The following PCDH15 variants were observed in gnomAD, a reference collection of about 807,000 sequenced individuals.
PCDH15 encodes protocadherin related 15, also known as protocadherin-15.
In PCDH15, 129 loss-of-function variants were observed where a neutral mutation model predicts 178.5. The ratio of observed to expected loss-of-function variants is 0.72; its 90% CI spans 0.63 to 0.84. The LOEUF (loss-of-function observed/expected upper bound fraction) is 0.84. Ranked by LOEUF, PCDH15 falls within the 40% of genes least tolerant of loss-of-function variation. PCDH15 has a pLI of 0.00. For missense variants in PCDH15, 2,230 were observed against 2,099.9 expected, an observed-to-expected ratio of 1.06 and a Z score of -1.21; for synonymous variants, 800 against 732.0, an observed-to-expected ratio of 1.09 and a Z score of -1.50.
intron 2 of PCDH15, among the ~76,000 whole-genome samples, chr10:55,562,053 A>G (rs1470314294): frequency 1.3e-5 from 2 of 151,754 alleles, no homozygotes; most frequent in Admixed American, 1.3e-4. Context: ...ACATCCTTTG[A>G]TTTTCTGTCA....
chr10:53,822,160 C>A lies in PCDH15; in HGVS notation c.4368-1930G>T, dbSNP rs371269732. The A allele has an allele frequency of 6.2e-7, 1 of 1,613,848 alleles. No individual in the cohort carries two copies. Among genetic ancestry groups the A allele is most frequent in the African/African-American group, 1.3e-5 (1 of 74,872 alleles). On this transcript the variant is annotated intron_variant, in intron 32 of 37. Transcript: ENST00000644397. ...TGTGTCATAGAGGACTTAATTTTCT[C>A]GGCAGGCATCAAGTTGGTCGTGCAT... is the stretch of plus-strand genomic sequence containing the variant.
intron 9 of PCDH15, among the ~76,000 whole-genome samples, chr10:54,216,105 A>AATAT (rs540131612): frequency 1.3e-5 from 2 of 148,380 alleles, no homozygotes; most frequent in African/African-American, 2.5e-5. Context: ...TCATATCCCG[A>AATAT]ATATATATAT....
rs116436784 is a variant in PCDH15 at position 54,315,725 on chromosome 10, G to C, written c.876+1546C>G. Among the ~76,000 whole-genome samples the C allele has an allele frequency of 3.4e-5, 5 of 145,972 alleles. No homozygotes were observed. In the South Asian group the frequency reaches 1.1e-3, roughly 31 times the overall value. On this transcript the variant is annotated intron_variant, in intron 8 of 37. Transcript: ENST00000644397. ...TTTGGTTATGGTATAAGGAGGGGGG[G>C]GTCCAGCTTCAATCTTCATATGGCT... is the stretch of plus-strand genomic sequence containing the variant.
At chr10:55,361,697 T>A (rs1845233619) in intron 2 of PCDH15, among the ~76,000 whole-genome samples, 1 of 152,092 alleles carries the variant, frequency 6.6e-6, no homozygotes, top group African/African-American at 2.4e-5. Flanking sequence ...TTCATAAATA[T>A]GACATAATTT....
chr10:55,513,522 A>G (rs1214567477), intron 2 of PCDH15, among the ~76,000 whole-genome samples: 1 of 152,160 alleles, frequency 6.6e-6, no homozygotes, highest in Non-Finnish European at 1.5e-5. Context: ...TAAACACACA[A>G]TTACATCACA....
At chr10:54,919,908 C>G (rs1837441896) in intron 2 of PCDH15, among the ~76,000 whole-genome samples, 1 of 151,960 alleles carries the variant, frequency 6.6e-6, no homozygotes, top group Non-Finnish European at 1.5e-5. Flanking sequence ...AAAAAAGGCT[C>G]TGTAACATTT....
At chr10:54,454,862 A>G (rs550589772) in intron 3 of PCDH15, among the ~76,000 whole-genome samples, 161 of 152,224 alleles carry the variant, frequency 1.1e-3, no homozygotes, top group African/African-American at 3.7e-3. Context: ...TTGTTTTATA[A>G]CTTTGATAAG....
At position 54,079,389 on chromosome 10, in the gene PCDH15, C is replaced by CTGTCCA; in HGVS notation, c.2027_2032dup (p.Asp677_Arg678insMetAsp). The CTGTCCA allele has an allele frequency of 1.9e-6, 3 of 1,614,112 alleles. No homozygotes were observed. Among genetic ancestry groups the CTGTCCA allele is most frequent in the Non-Finnish European group, 1.7e-6 (2 of 1,179,970 alleles). ...CAGAATGTAGCGATCAGTGCTTTCC[C>CTGTCCA]TGTCCAGTGCTTTCCCTAAGGTTAG... On this transcript the variant is annotated inframe_insertion, in exon 17 of 38. Coordinates refer to ENST00000644397, the MANE Select transcript of PCDH15 (RefSeq NM_001384140.1).
chr10:54,486,459 G>A (rs955530185), intron 3 of PCDH15: 3 of 151,930 alleles, frequency 2.0e-5, no homozygotes, highest in Non-Finnish European at 2.9e-5. Context: ...TACTTATGAT[G>A]TATAATTAAG....
chr10:54,114,368 A>C (rs890295581), intron 15 of PCDH15, among the ~76,000 whole-genome samples: 50 of 152,172 alleles, frequency 3.3e-4, no homozygotes, highest in Admixed American at 3.3e-3. Flanking sequence ...ACACAGAGCT[A>C]ACCAATAAGA....
At position 55,353,431 on chromosome 10, in the gene PCDH15, C is replaced by A. The variant is rs375825342; in HGVS notation, c.-155-186780G>T. On this transcript the variant is annotated intron_variant, in intron 2 of 5. Transcript: ENST00000613346. ...AACTGGAGAATGTTAGTGGAAAGAG[C>A]AAGTGTTGGTTATTAAATAAAAAAT... is the stretch of plus-strand genomic sequence containing the variant. 3.3e-5 allele frequency among the ~76,000 whole-genome samples: 5 copies of A among 152,098 alleles called. No individual in the cohort carries two copies. The South Asian group carries it at 1.0e-3, about 32-fold the overall frequency.
chr10:55,175,126 G>A lies in PCDH15; in HGVS notation c.-155-8475C>T, dbSNP rs1839443392. 2.0e-5 allele frequency among the ~76,000 whole-genome samples: 3 copies of A among 152,100 alleles called. No homozygotes were observed. In the South Asian group the frequency reaches 6.2e-4, roughly 32 times the overall value. On this transcript the variant is annotated intron_variant, in intron 1 of 5. Transcript: ENST00000458638. Reference sequence around the variant, plus strand: ...GCAGTACCATTGGAGGACCCTAAATGGGACCCCAAAGAAGACACAGGAGAA... The same window carrying A: ...GCAGTACCATTGGAGGACCCTAAATAGGACCCCAAAGAAGACACAGGAGAA...
intron 8 of PCDH15, among the ~76,000 whole-genome samples, chr10:54,273,807 G>C (rs971267276): frequency 3.9e-5 from 6 of 152,020 alleles, no homozygotes; most frequent in African/African-American, 1.4e-4. Flanking sequence ...CCACACTCCT[G>C]AACCAGAGCT....
At chr10:54,342,952 C>T (rs114180951) in intron 6 of PCDH15, among the ~76,000 whole-genome samples, 2,607 of 152,188 alleles carry the variant, frequency 0.017, 79 homozygotes, top group African/African-American at 0.059. Context: ...ATGTCTGTAC[C>T]CTCATTGTAT....
chr10:55,251,457 T>C (rs1284222756), intron 1 of PCDH15, among the ~76,000 whole-genome samples: 1 of 152,188 alleles, frequency 6.6e-6, no homozygotes, highest in Non-Finnish European at 1.5e-5. Context: ...GGAAATAATA[T>C]AATATTTAAC....
chr10:55,012,646 C>G (rs1028943619), intron 2 of PCDH15, among the ~76,000 whole-genome samples: 1 of 152,104 alleles, frequency 6.6e-6, no homozygotes, highest in South Asian at 2.1e-4. Flanking sequence ...GTCAGAGCCA[C>G]TCACTATTTC....
chr10:54,810,189 G>A (rs1198119435), intron 3 of PCDH15, among the ~76,000 whole-genome samples: 1 of 152,008 alleles, frequency 6.6e-6, no homozygotes, highest in South Asian at 2.1e-4. Flanking sequence ...CGTCACCCTT[G>A]GGGCATCTTA....
intron 3 of PCDH15, chr10:54,897,326 G>C (rs1302008523): frequency 6.6e-6 from 1 of 152,172 alleles, no homozygotes. Context: ...GATGATAGTT[G>C]TAACTTGAAT....
chr10:55,417,261 A>G (rs1838505950), intron 2 of PCDH15, among the ~76,000 whole-genome samples: 1 of 151,748 alleles, frequency 6.6e-6, no homozygotes, highest in South Asian at 2.1e-4. Flanking sequence ...CCAAAATAAA[A>G]ATTCACCAAA....
Sources: gnomAD v4.1 joint callset for allele counts (sites outside exome capture counted in the v4.1 genomes callset) on GRCh38, gnomAD v4.1.1 for gene constraint, MANE v1.5 for transcripts, NCBI Gene and HGNC (gene_info 2026-07-23, HGNC 2026-07-21) for gene names.